Variants in THAP5 observed in about 807,000 individuals in gnomAD.
THAP5 encodes THAP domain containing 5, also known as THAP domain-containing protein 5.
Under a neutral mutation model 34.0 loss-of-function variants are expected in THAP5, and 26 were observed. The observed-to-expected ratio is 0.77, with a 90% CI of 0.56 to 1.06. THAP5 has a LOEUF of 1.06. Ranked by LOEUF, THAP5 falls within the 50% of genes least tolerant of loss-of-function variation. The probability of loss-of-function intolerance (pLI) is 0.00; values close to 1 mark genes in which losing one functional copy is unlikely to be tolerated. For missense variants in THAP5, 394 were observed against 452.8 expected, an observed-to-expected ratio of 0.87 and a Z score of 1.18; for synonymous variants, 125 against 153.0, an observed-to-expected ratio of 0.82 and a Z score of 1.35.
chr7:108,558,930 T>TA, downstream of THAP5, among the ~76,000 whole-genome samples: 1 of 152,218 alleles, frequency 6.6e-6, no homozygotes, highest in East Asian at 1.9e-4. Context: ...AAAATATAGT[T>TA]TAAAAGACAT....
At position 108,564,619 on chromosome 7, in the gene THAP5, A is replaced by C. The variant is rs756391459; in HGVS notation, c.760T>G (p.Phe254Val). The change falls in exon 3 of 3, where the codon TTC (phenylalanine) becomes GTC (valine). Residue 254 changes from phenylalanine to valine, a missense_variant. Coordinates refer to ENST00000415914, the MANE Select transcript of THAP5 (RefSeq NM_001130475.3). The stretch of plus-strand genomic sequence containing the variant: ...TCAACTGTTTGATTAATTGTGCTGA[A>C]TAAGAATGGATTTTCCTGTGCTGAC... Reference protein sequence around the residue: ...IKSAQENPFLFSTINQTVEEL... With the variant: ...IKSAQENPFLVSTINQTVEEL... 1 of 1,614,026 alleles carries C rather than the reference A, an allele frequency of 6.2e-7. No individual in the cohort carries two copies. The highest frequency in any genetic ancestry group is 8.5e-7 in the Non-Finnish European group (1 of 1,179,958).
intron 1 of THAP5, among the ~76,000 whole-genome samples, chr7:108,567,449 T>C (rs1446051228): frequency 6.6e-6 from 1 of 152,222 alleles, no homozygotes; most frequent in Non-Finnish European, 1.5e-5. Context: ...TTATTTCCAT[T>C]GTACCTATAT....
the THAP5 span, among the ~76,000 whole-genome samples, chr7:108,546,549 C>T: frequency 2.0e-5 from 3 of 151,978 alleles, no homozygotes; most frequent in African/African-American, 4.8e-5. Context: ...CGTAAGGGGA[C>T]GAGGAGGAAG....
chr7:108,558,904 TTTGC>T (rs762138702), downstream of THAP5, among the ~76,000 whole-genome samples: 4 of 152,188 alleles, frequency 2.6e-5, no homozygotes, highest in South Asian at 2.1e-4. Context: ...CTCAACATAT[TTTGC>T]TTGCTTATGT....
At position 108,565,868 on chromosome 7, in the gene THAP5, C is replaced by T; in HGVS notation, c.235G>A (p.Ala79Thr). 6.5e-7 allele frequency: 1 copy of T among 1,547,696 alleles called. No homozygotes were observed. Among genetic ancestry groups the T allele is most frequent in the South Asian group, 1.2e-5 (1 of 83,456 alleles). The change falls in exon 2 of 3, where the codon GCA becomes ACA. Residue 79 changes from alanine to threonine, a missense_variant. Ala to Thr is a moderately conservative substitution (Grantham distance 58, BLOSUM62 0). Coordinates refer to ENST00000415914, the MANE Select transcript of THAP5 (RefSeq NM_001130475.3). ...GGCAAAGAAAATATTGTTGGAACTG[C>T]AGTTTGTTTTAAATATCGAATACCC... ...RWGIRYLKQT[A>T]VPTIFSLPED...
Position 108,564,963 on chromosome 7 carries a change from T to C in THAP5, c.416A>G (p.His139Arg). 6.4e-7 allele frequency: 1 copy of C among 1,558,818 alleles called. No homozygotes were observed. Among genetic ancestry groups the C allele is most frequent in the South Asian group, 1.2e-5 (1 of 85,560 alleles). Reference protein sequence around the residue: ...NIVNTDVPHQHPELLHSSSLV... With the variant: ...NIVNTDVPHQRPELLHSSSLV... Reference sequence around the variant, plus strand: ...GGAAGATGAATGAAGTAATTCTGGATGTTGATGGGGCACATCTGTGTTAAC... The same window carrying C: ...GGAAGATGAATGAAGTAATTCTGGACGTTGATGGGGCACATCTGTGTTAAC... Residue 139 changes from histidine to arginine, a missense_variant, in exon 3 of 3, where the codon CAT (histidine) becomes CGT (arginine). His to Arg is a conservative substitution (Grantham distance 29). Coordinates refer to ENST00000415914, the MANE Select transcript of THAP5 (RefSeq NM_001130475.3).
chr7:108,557,478 A>G (rs1451361675), downstream of THAP5, among the ~76,000 whole-genome samples: 1 of 152,200 alleles, frequency 6.6e-6, no homozygotes, highest in African/African-American at 2.4e-5. Flanking sequence ...TGCCAGATAC[A>G]CTAACCCATC....
chr7:108,552,816 T>A (rs1168407675), downstream of THAP5, among the ~76,000 whole-genome samples: 1 of 151,652 alleles, frequency 6.6e-6, no homozygotes, highest in East Asian at 1.9e-4. Context: ...AAAAAAAAAA[T>A]CTCTTTACCG....
downstream of THAP5, among the ~76,000 whole-genome samples, chr7:108,558,377 G>GTGTGTGTATATATATATATATA (rs1401164750): frequency 8.6e-3 from 539 of 62,334 alleles, 13 homozygotes; most frequent in Non-Finnish European, 0.011. Context: ...ATGTGTGTGT[G>GTGTGTGTATATATATATATATA]TATGTATATA....
the THAP5 span, among the ~76,000 whole-genome samples, chr7:108,543,418 T>A: frequency 6.6e-6 from 1 of 152,108 alleles, no homozygotes; most frequent in African/African-American, 2.4e-5. Flanking sequence ...CTAAGGCCAG[T>A]CCGGATTCAA....
downstream of THAP5, among the ~76,000 whole-genome samples, chr7:108,557,803 G>T (rs950446306): frequency 6.6e-6 from 1 of 152,126 alleles, no homozygotes; most frequent in African/African-American, 2.4e-5. Flanking sequence ...CTTGATAGCA[G>T]TATCCCACTC....
rs1790457702 is a variant in THAP5 at position 108,565,120 on chromosome 7, T to C, written c.274-15A>G. On this transcript the variant is annotated splice_polypyrimidine_tract_variant and intron_variant, in intron 2 of 2. Transcript: ENST00000415914. ...GGGTCTTTTCCCTAGAAAATAATAT[T>C]TTCATGTTCTGAAAAAGATGACTTT... The C allele has an allele frequency of 2.0e-6, 3 of 1,472,532 alleles. No individual in the cohort carries two copies. Among genetic ancestry groups the C allele is most frequent in the Non-Finnish European group, 2.7e-6 (3 of 1,111,846 alleles). The allele number at this position is 1,472,532 out of a possible 1,614,324, so 91.2% of individuals were successfully genotyped here.
chr7:108,543,497 G>T, the THAP5 span, among the ~76,000 whole-genome samples: 1 of 152,162 alleles, frequency 6.6e-6, no homozygotes, highest in Admixed American at 6.5e-5. Context: ...AGGAAGAAAA[G>T]AAGTTGATGG....
intron 1 of THAP5, 71 bp downstream of exon 1, chr7:108,569,419 A>T: frequency 6.5e-7 from 1 of 1,548,798 alleles, no homozygotes; most frequent in South Asian, 1.2e-5. Flanking sequence ...GACAGGAGAC[A>T]CCCAAGCCCA....
At chr7:108,548,294 ATATT>A in the THAP5 span, among the ~76,000 whole-genome samples, 1 of 152,216 alleles carries the variant, frequency 6.6e-6, no homozygotes, top group East Asian at 1.9e-4. Flanking sequence ...CACCTGAAAA[ATATT>A]TATGGAGCTC....
chr7:108,552,778 TGA>T (rs1864361705), downstream of THAP5, among the ~76,000 whole-genome samples: 1 of 143,360 alleles, frequency 7.0e-6, no homozygotes, highest in Non-Finnish European at 1.5e-5. Context: ...CCAGCCTGGG[TGA>T]GAGAGCGAGA....
chr7:108,565,741 A>G (rs559146175), intron 2 of THAP5, 89 bp downstream of exon 2: 44 of 1,030,370 alleles, frequency 4.3e-5, no homozygotes, highest in East Asian at 3.4e-4. Flanking sequence ...TACCCAAGTT[A>G]TAGTTCCCTC....
At chr7:108,544,403 C>T in the THAP5 span, among the ~76,000 whole-genome samples, 15 of 151,538 alleles carry the variant, frequency 9.9e-5, no homozygotes, top group African/African-American at 2.7e-4. Context: ...TGGTGGCAGG[C>T]GCCTGTAATC....
chr7:108,555,208 C>T (rs1030785119), intron 1 of THAP5, among the ~76,000 whole-genome samples: 1 of 151,436 alleles, frequency 6.6e-6, no homozygotes, highest in Non-Finnish European at 1.5e-5. Flanking sequence ...TTTTGTTGCC[C>T]TGGGGGAGTG....
Sources: allele counts gnomAD v4.1 joint callset (sites outside exome capture counted in the v4.1 genomes callset), GRCh38; gene constraint gnomAD v4.1.1; transcripts MANE v1.5; gene names NCBI Gene and HGNC (gene_info 2026-07-23, HGNC 2026-07-21).